SERPINI2: variants seen among roughly 807,000 people sequenced by gnomAD.
The protein encoded by SERPINI2 is serpin family I member 2.
SERPINI2 carries 48 observed loss-of-function variants against 47.3 expected under a neutral mutation model. The observed-to-expected ratio is 1.02, with a 90% CI of 0.81 to 1.29. The LOEUF is 1.29. SERPINI2 is among the 50% of genes most tolerant of loss of function. The probability of loss-of-function intolerance (pLI) is 0.00; values close to 1 mark genes in which losing one functional copy is unlikely to be tolerated. For missense variants in SERPINI2, 448 were observed against 456.9 expected, an observed-to-expected ratio of 0.98 and a Z score of 0.18; for synonymous variants, 135 against 149.3, an observed-to-expected ratio of 0.90 and a Z score of 0.70.
chr3:167,467,418 A>G (rs956245833), intron 2 of SERPINI2, 133 bp from the exon 3 acceptor site: 1 of 592,300 alleles, frequency 1.7e-6, no homozygotes, highest in Non-Finnish European at 2.9e-6. Context: ...AATCCCTTCA[A>G]AGTTAGTATA....
At chr3:167,459,651 G>A (rs969026688) in intron 5 of SERPINI2, among the ~76,000 whole-genome samples, 5 of 148,446 alleles carry the variant, frequency 3.4e-5, no homozygotes, top group Non-Finnish European at 5.9e-5. Flanking sequence ...CCTTTCTACT[G>A]TAGCTTAAAT....
chr3:167,464,099 T>G (rs1284666951), intron 5 of SERPINI2, among the ~76,000 whole-genome samples: 3 of 141,504 alleles, frequency 2.1e-5, no homozygotes, highest in African/African-American at 7.8e-5. Flanking sequence ...TGCAAACCTC[T>G]ACCTCCCAGG....
chr3:167,461,906 C>CACT (rs10630827), intron 5 of SERPINI2, among the ~76,000 whole-genome samples: 83,002 of 151,756 alleles, frequency 0.55, 23,401 homozygotes, highest in African/African-American at 0.7. Context: ...AGGCATAAGC[C>CACT]ACATCTGGCA....
At chr3:167,464,918 A>C (rs565099346) in intron 5 of SERPINI2, among the ~76,000 whole-genome samples, 1 of 152,346 alleles carries the variant, frequency 6.6e-6, no homozygotes, top group East Asian at 1.9e-4. Context: ...AATTAGCATA[A>C]TAAAAAGACA....
At chr3:167,470,002 G>A (rs575814328) in intron 2 of SERPINI2, among the ~76,000 whole-genome samples, 13 of 152,134 alleles carry the variant, frequency 8.5e-5, no homozygotes, top group Middle Eastern at 3.4e-3. Context: ...TTGATAGTGC[G>A]TTATTACTAT....
At chr3:167,443,284 T>G (rs9683059) in intron 8 of SERPINI2, among the ~76,000 whole-genome samples, 6,940 of 152,176 alleles carry the variant, frequency 0.046, 531 homozygotes, top group African/African-American at 0.16. Context: ...ATTTTTTGTA[T>G]TTTTAGTAGA....
At position 167,445,845 on chromosome 3, in the gene SERPINI2, A is replaced by G. The variant is rs144747190; in HGVS notation, c.1141+547T>C. ...TGCTAATCCAATCCACTACTTCTAC[A>G]CTCCCTTTACCTAACTGCATCATCT... On this transcript the variant is annotated intron_variant, in intron 8 of 8. Transcript: ENST00000264677. Among the ~76,000 whole-genome samples the G allele has an allele frequency of 3.6e-3, 544 of 151,922 alleles. 1 individual carries two copies. Among genetic ancestry groups the G allele is most frequent in the African/African-American group, 0.013 (522 of 41,428 alleles).
intron 2 of SERPINI2, among the ~76,000 whole-genome samples, chr3:167,469,807 C>T (rs1183158991): frequency 6.6e-6 from 1 of 152,012 alleles, no homozygotes; most frequent in Non-Finnish European, 1.5e-5. Flanking sequence ...ATATATTGCT[C>T]TTATATTCTT....
At chr3:167,451,921 T>C (rs1749652000) in intron 6 of SERPINI2, among the ~76,000 whole-genome samples, 1 of 152,194 alleles carries the variant, frequency 6.6e-6, no homozygotes, top group African/African-American at 2.4e-5. Context: ...TCATACCTAG[T>C]GCGGACAAAA....
intron 2 of SERPINI2, 45 bp downstream of exon 2, chr3:167,471,543 G>T (rs774883414): frequency 7.0e-6 from 11 of 1,561,542 alleles, no homozygotes; most frequent in Non-Finnish European, 8.7e-6. Flanking sequence ...AAATGAATGC[G>T]TCCATATCTT....
chr3:167,450,160 C>T (rs888980399), intron 6 of SERPINI2, among the ~76,000 whole-genome samples: 1 of 152,190 alleles, frequency 6.6e-6, no homozygotes, highest in Non-Finnish European at 1.5e-5. Context: ...AATGTACTTG[C>T]CTTCAAATCT....
chr3:167,463,628 G>A (rs1367933629), intron 5 of SERPINI2, among the ~76,000 whole-genome samples: 5 of 152,176 alleles, frequency 3.3e-5, no homozygotes, highest in Admixed American at 3.3e-4. Flanking sequence ...AGATCCCAGA[G>A]TTAGGATGAG....
intron 5 of SERPINI2, among the ~76,000 whole-genome samples, chr3:167,455,476 G>C (rs1749758917): frequency 6.6e-6 from 1 of 151,776 alleles, no homozygotes. Flanking sequence ...AAAAGTCTTG[G>C]ATCAATTTCC....
chr3:167,446,559 G>T (rs1749484869), intron 7 of SERPINI2, 78 bp from the exon 8 acceptor site: 3 of 947,136 alleles, frequency 3.2e-6, no homozygotes, highest in Non-Finnish European at 4.8e-6. Context: ...AATACATTTT[G>T]TAGACAGGAA....
chr3:167,464,009 C>CTT lies in SERPINI2; in HGVS notation c.866+1195_866+1196dup, dbSNP rs555948215. On this transcript the variant is annotated intron_variant, in intron 5 of 8. Transcript: ENST00000264677. The stretch of plus-strand genomic sequence containing the variant: ...TGCAGTAGTTGAAGAACAGGAGTGG[C>CTT]TTTTTTTTTTTTTTTTTTTTTGGAT... Among the ~76,000 whole-genome samples the CTT allele has an allele frequency of 4.9e-3, 461 of 93,236 alleles. 14 individuals are homozygous for CTT. The highest frequency in any genetic ancestry group is 8.6e-3 in the East Asian group (23 of 2,676). The allele number at this position is 93,236 out of a possible 152,430, so 61.2% of individuals were successfully genotyped here. A position where few individuals can be genotyped will look rare whatever the true frequency, so the allele number is the denominator to read the frequency against.
At chr3:167,447,339 G>A (rs111677331) in intron 7 of SERPINI2, among the ~76,000 whole-genome samples, 1 of 152,158 alleles carries the variant, frequency 6.6e-6, no homozygotes, top group Non-Finnish European at 1.5e-5. Flanking sequence ...ATAGGCTCAT[G>A]TCTGAATTAC....
intron 6 of SERPINI2, among the ~76,000 whole-genome samples, chr3:167,452,004 C>T (rs1180477814): frequency 6.6e-6 from 1 of 152,100 alleles, no homozygotes; most frequent in Non-Finnish European, 1.5e-5. Flanking sequence ...TGATAATGAA[C>T]ATTTTGATAT....
exon 5 of SERPINI2, chr3:167,465,226 T>C (rs1355762075): frequency 2.5e-6 from 4 of 1,610,008 alleles, no homozygotes; most frequent in African/African-American, 2.7e-5. Context: ...TTATTTCTAC[T>C]TCCTCTTCTT....
exon 2 of SERPINI2, chr3:167,471,689 G>C (rs1394312388): frequency 1.9e-6 from 3 of 1,613,198 alleles, no homozygotes; most frequent in Non-Finnish European, 2.5e-6. Flanking sequence ...TATTCCAAGG[G>C]GTGAAAATAT....
Sources: gnomAD v4.1 joint callset for allele counts (sites outside exome capture counted in the v4.1 genomes callset) on GRCh38, gnomAD v4.1.1 for gene constraint, MANE v1.5 for transcripts, NCBI Gene and HGNC (gene_info 2026-07-23, HGNC 2026-07-21) for gene names.